Variants in VAV3 observed in about 807,000 individuals in gnomAD.
VAV3 encodes vav guanine nucleotide exchange factor 3.
A neutral mutation model predicts 131.2 loss-of-function variants in VAV3; 94 were observed. That is an observed-to-expected ratio of 0.72 (90% CI 0.61 to 0.85). The LOEUF (loss-of-function observed/expected upper bound fraction) is 0.85. Ranked by LOEUF, VAV3 falls within the 40% of genes least tolerant of loss-of-function variation. The pLI is 0.00. For missense variants in VAV3, 939 were observed against 1,002.7 expected, an observed-to-expected ratio of 0.94 and a Z score of 0.86; for synonymous variants, 349 against 342.0, an observed-to-expected ratio of 1.02 and a Z score of -0.22.
chr1:107,960,916 TATAA>T (rs1356763975), intron 1 of VAV3, among the ~76,000 whole-genome samples: 5 of 151,144 alleles, frequency 3.3e-5, no homozygotes, highest in Non-Finnish European at 5.9e-5. Context: ...TAGATAAATA[TATAA>T]ATAATTATAT....
At chr1:107,576,471 G>A in intron 25 of VAV3, 2 of 1,504,252 alleles carry the variant, frequency 1.3e-6, no homozygotes, top group Non-Finnish European at 1.8e-6. Flanking sequence ...AGAACAAAGA[G>A]GGGGCTTTGA....
chr1:107,700,176 G>A (rs1660012676), intron 17 of VAV3, among the ~76,000 whole-genome samples: 1 of 152,196 alleles, frequency 6.6e-6, no homozygotes, highest in South Asian at 2.1e-4. Context: ...AAAAAGGTAA[G>A]CTTACAAAAG....
chr1:107,651,898 C>G (rs1019410327), intron 19 of VAV3, among the ~76,000 whole-genome samples: 1 of 152,106 alleles, frequency 6.6e-6, no homozygotes, highest in Non-Finnish European at 1.5e-5. Context: ...TGATAACTCT[C>G]CAGTTTCATC....
chr1:107,595,320 C>T (rs1020312896), intron 25 of VAV3, among the ~76,000 whole-genome samples: 11 of 152,054 alleles, frequency 7.2e-5, no homozygotes, highest in Admixed American at 7.2e-4. Flanking sequence ...TTGTTGAAAC[C>T]CAGAGCATTA....
chr1:107,711,055 A>C (rs181017583), intron 15 of VAV3, among the ~76,000 whole-genome samples: 1 of 152,330 alleles, frequency 6.6e-6, no homozygotes, highest in Non-Finnish European at 1.5e-5. Flanking sequence ...GGAAGATCTA[A>C]TCACTGTAAT....
At chr1:107,686,460 T>C (rs2101757268) in intron 18 of VAV3, among the ~76,000 whole-genome samples, 1 of 152,272 alleles carries the variant, frequency 6.6e-6, no homozygotes, top group Admixed American at 6.5e-5. Context: ...TTTCACTATT[T>C]ACTTATGAGA....
chr1:107,658,152 A>C (rs1372419940), intron 19 of VAV3, among the ~76,000 whole-genome samples: 1 of 152,184 alleles, frequency 6.6e-6, no homozygotes, highest in Admixed American at 6.5e-5. Flanking sequence ...ACAATAATAC[A>C]ATATATAGCT....
At chr1:107,912,244 T>C (rs950763999) in intron 1 of VAV3, among the ~76,000 whole-genome samples, 1 of 152,188 alleles carries the variant, frequency 6.6e-6, no homozygotes, top group Non-Finnish European at 1.5e-5. Flanking sequence ...CAAAAGAGAA[T>C]CTATCAGTTA....
intron 1 of VAV3, among the ~76,000 whole-genome samples, chr1:107,903,896 A>G (rs1671985219): frequency 6.6e-6 from 1 of 152,066 alleles, no homozygotes; most frequent in Admixed American, 6.6e-5. Context: ...CACCCAATCC[A>G]TCAGCAGCTC....
intron 1 of VAV3, among the ~76,000 whole-genome samples, chr1:107,913,793 T>A (rs72983462): frequency 0.03 from 4,619 of 152,298 alleles, 235 homozygotes; most frequent in African/African-American, 0.11. Flanking sequence ...AATTATTATT[T>A]TTTTTAATTA....
intron 1 of VAV3, among the ~76,000 whole-genome samples, chr1:107,899,273 A>G (rs755591180): frequency 1.3e-5 from 2 of 152,144 alleles, no homozygotes; most frequent in Non-Finnish European, 2.9e-5. Flanking sequence ...ACAGTCATAG[A>G]GATATATTAA....
chr1:107,718,631 C>A (rs1192613156), intron 15 of VAV3, among the ~76,000 whole-genome samples: 1 of 152,116 alleles, frequency 6.6e-6, no homozygotes, highest in East Asian at 1.9e-4. Flanking sequence ...GGCCATACTG[C>A]CCAAGGTAAT....
chr1:107,919,698 T>C (rs932898555), intron 1 of VAV3, among the ~76,000 whole-genome samples: 5 of 152,120 alleles, frequency 3.3e-5, no homozygotes, highest in African/African-American at 1.2e-4. Context: ...CAGGTAAACA[T>C]ATAAATACTA....
intron 2 of VAV3, among the ~76,000 whole-genome samples, chr1:107,852,073 A>C (rs1669256239): frequency 6.6e-6 from 1 of 152,178 alleles, no homozygotes; most frequent in Non-Finnish European, 1.5e-5. Context: ...CCTCCAACTA[A>C]GGATTCTGGT....
chr1:107,643,624 T>C (rs1396801493), intron 19 of VAV3, among the ~76,000 whole-genome samples: 1 of 152,172 alleles, frequency 6.6e-6, no homozygotes, highest in African/African-American at 2.4e-5. Context: ...TCAGGACTTT[T>C]TATTCTAATG....
intron 7 of VAV3, 110 bp downstream of exon 7, chr1:107,768,331 A>G (rs983168370): frequency 1.3e-6 from 1 of 758,396 alleles, no homozygotes; most frequent in African/African-American, 1.8e-5. Context: ...AATAAGGCCA[A>G]TATTCTTAAA....
chr1:107,964,460 A>G, intron 1 of VAV3: 1 of 533,092 alleles, frequency 1.9e-6, no homozygotes, highest in South Asian at 2.7e-5. Context: ...TCCGGACGCA[A>G]AGCTTTCGCA....
intron 11 of VAV3, 108 bp from the exon 12 acceptor site, chr1:107,755,621 C>G: frequency 5.4e-6 from 4 of 741,350 alleles, no homozygotes; most frequent in Non-Finnish European, 8.7e-6. Flanking sequence ...AAAGTAACCA[C>G]TGTAACTTTT....
rs563001302 is a variant in VAV3 at position 107,702,438 on chromosome 1, A to C, written c.1705+2112T>G. ...AAGAAACCAATACTTACAAAGGGTA[A>C]GTAAATGGAGTTCAAAATCACCCAA... On this transcript the variant is annotated intron_variant, in intron 17 of 26. Transcript: ENST00000370056. 2.2e-4 allele frequency among the ~76,000 whole-genome samples: 34 copies of C among 152,324 alleles called. No individual in the cohort carries two copies. In the South Asian group the frequency reaches 4.6e-3, roughly 20 times the overall value.
Sources: gnomAD v4.1 joint callset for allele counts (sites outside exome capture counted in the v4.1 genomes callset) on GRCh38, gnomAD v4.1.1 for gene constraint, MANE v1.5 for transcripts, NCBI Gene and HGNC (gene_info 2026-07-23, HGNC 2026-07-21) for gene names.